The following EPM2A variants were observed in gnomAD, a reference collection of about 807,000 sequenced individuals.
The protein encoded by EPM2A is laforin.
In EPM2A, 21 loss-of-function variants were observed where a neutral mutation model predicts 26.5. That is an observed-to-expected ratio of 0.79 (90% confidence interval 0.56 to 1.14). The LOEUF (loss-of-function observed/expected upper bound fraction) is 1.14, where lower values mean the gene tolerates loss of function less well. Among genes scored for constraint, EPM2A ranks in the 50% most tolerant of loss-of-function variants. The pLI, the probability that EPM2A is intolerant of heterozygous loss-of-function variation, is 0.00. For missense variants in EPM2A, 458 were observed against 440.8 expected, an observed-to-expected ratio of 1.04 and a Z score of -0.35; for synonymous variants, 217 against 177.6, an observed-to-expected ratio of 1.22 and a Z score of -1.76.
intron 2 of EPM2A, among the ~76,000 whole-genome samples, chr6:145,572,398 G>A (rs1336665675): frequency 6.6e-6 from 1 of 152,154 alleles, no homozygotes; most frequent in Non-Finnish European, 1.5e-5. Context: ...ACTTACTTGT[G>A]CCTTCAGGAC....
chr6:145,412,448 T>G (rs1485630607), intron 4 of EPM2A, among the ~76,000 whole-genome samples: 2 of 152,164 alleles, frequency 1.3e-5, no homozygotes, highest in Non-Finnish European at 2.9e-5. Flanking sequence ...GAATTAAGTG[T>G]AAGTACTCCA....
intron 2 of EPM2A, among the ~76,000 whole-genome samples, chr6:145,503,181 C>T (rs1050154907): frequency 6.6e-6 from 1 of 152,116 alleles, no homozygotes; most frequent in Non-Finnish European, 1.5e-5. Context: ...TAAGAGGGCT[C>T]TTTTCAGGTC....
intron 4 of EPM2A, among the ~76,000 whole-genome samples, chr6:145,474,312 A>T (rs1043917509): frequency 6.6e-6 from 1 of 152,044 alleles, no homozygotes; most frequent in Non-Finnish European, 1.5e-5. Context: ...AAATACAAAA[A>T]TTAGCCAGGC....
chr6:145,688,983 C>A (rs182459041), intron 1 of EPM2A, among the ~76,000 whole-genome samples: 4 of 152,140 alleles, frequency 2.6e-5, no homozygotes, highest in Non-Finnish European at 5.9e-5. Flanking sequence ...ATCTGTGGCT[C>A]CCATTGGTCA....
At chr6:145,489,483 A>G in intron 4 of EPM2A, 3 of 530,880 alleles carry the variant, frequency 5.7e-6, no homozygotes, top group Non-Finnish European at 1.0e-5. Flanking sequence ...GGGAAGAGGA[A>G]TCAATTTGTT....
chr6:145,400,535 A>G (rs923054218), intron 4 of EPM2A, among the ~76,000 whole-genome samples: 2 of 152,102 alleles, frequency 1.3e-5, no homozygotes, highest in Non-Finnish European at 2.9e-5. Context: ...TTCCTTCTTG[A>G]TAAGAGACCA....
chr6:145,485,561 A>G (rs1193478150), intron 4 of EPM2A, among the ~76,000 whole-genome samples: 1 of 152,124 alleles, frequency 6.6e-6, no homozygotes, highest in African/African-American at 2.4e-5. Context: ...TACCTACAGA[A>G]GATTAAATGT....
intron 4 of EPM2A, among the ~76,000 whole-genome samples, chr6:145,418,695 C>A (rs181151751): frequency 6.6e-6 from 1 of 152,114 alleles, no homozygotes; most frequent in Non-Finnish European, 1.5e-5. Context: ...CATTCCACTC[C>A]GGCCAAAGGA....
At chr6:145,609,154 A>T (rs1388353286) in intron 2 of EPM2A, among the ~76,000 whole-genome samples, 1 of 152,172 alleles carries the variant, frequency 6.6e-6, no homozygotes, top group African/African-American at 2.4e-5. Flanking sequence ...CTTGCCTTAC[A>T]TAATGCTCTA....
intron 4 of EPM2A, among the ~76,000 whole-genome samples, chr6:145,432,500 C>CTT (rs3063949): frequency 0.63 from 92,176 of 147,040 alleles, 30,130 homozygotes; most frequent in East Asian, 0.79. Flanking sequence ...TTTTTTGAGT[C>CTT]TTTTTTTTTT....
chr6:145,543,784 T>A (rs1780546817), intron 2 of EPM2A, among the ~76,000 whole-genome samples: 1 of 152,094 alleles, frequency 6.6e-6, no homozygotes, highest in Non-Finnish European at 1.5e-5. Context: ...ATGTCCTTTC[T>A]CTCCACTGGG....
At chr6:145,653,065 T>TAAG (rs1459550584) in intron 2 of EPM2A, among the ~76,000 whole-genome samples, 1 of 152,162 alleles carries the variant, frequency 6.6e-6, no homozygotes, top group African/African-American at 2.4e-5. Context: ...ACAAGAGATG[T>TAAG]ACAATAATCA....
chr6:145,426,322 T>C (rs927679821), intron 4 of EPM2A, among the ~76,000 whole-genome samples: 2 of 152,226 alleles, frequency 1.3e-5, no homozygotes, highest in Non-Finnish European at 2.9e-5. Context: ...TGAATTTATT[T>C]ATTCCAGTAG....
At chr6:145,470,922 G>A (rs1779465122) in intron 4 of EPM2A, among the ~76,000 whole-genome samples, 1 of 152,140 alleles carries the variant, frequency 6.6e-6, no homozygotes, top group Admixed American at 6.6e-5. Flanking sequence ...ATATCTGTGG[G>A]TAGGCTGCAG....
chr6:145,722,843 G>C, intron 1 of EPM2A: 1 of 421,822 alleles, frequency 2.4e-6, no homozygotes, highest in South Asian at 1.7e-5. Flanking sequence ...TTAAGAGGCA[G>C]GGAGAAGATA....
intron 4 of EPM2A, among the ~76,000 whole-genome samples, chr6:145,456,040 T>A (rs562715069): frequency 3.4e-4 from 52 of 152,288 alleles, no homozygotes; most frequent in African/African-American, 1.2e-3. Context: ...TGCGATTTTT[T>A]AATTAAAACC....
intron 2 of EPM2A, among the ~76,000 whole-genome samples, chr6:145,574,964 T>A (rs1365076279): frequency 6.6e-6 from 1 of 152,192 alleles, no homozygotes. Context: ...TCAAGTGTAG[T>A]GCACCTCCTC....
intron 2 of EPM2A, among the ~76,000 whole-genome samples, chr6:145,548,723 T>C (rs1216231487): frequency 6.6e-6 from 1 of 152,090 alleles, no homozygotes; most frequent in Non-Finnish European, 1.5e-5. Context: ...CCTTCTCTGT[T>C]GCCTTCTGCT....
chr6:145,466,194 A>G (rs1165701705), intron 4 of EPM2A, among the ~76,000 whole-genome samples: 1 of 151,752 alleles, frequency 6.6e-6, no homozygotes, highest in Non-Finnish European at 1.5e-5. Context: ...CTACCATCAG[A>G]GTGAACAGGC....
Sources: allele counts gnomAD v4.1 joint callset (sites outside exome capture counted in the v4.1 genomes callset), GRCh38; gene constraint gnomAD v4.1.1; transcripts MANE v1.5; gene names NCBI Gene and HGNC (gene_info 2026-07-23, HGNC 2026-07-21).